The following SLCO3A1 variants were observed in gnomAD, a reference collection of about 807,000 sequenced individuals.
SLCO3A1 encodes the protein solute carrier organic anion transporter family member 3A1, also known as PGE1 transporter.
A neutral mutation model predicts 63.1 loss-of-function variants in SLCO3A1; 27 were observed. That is an observed-to-expected ratio of 0.43 (90% CI 0.32 to 0.59). SLCO3A1 has a LOEUF of 0.59. Among genes scored for constraint, SLCO3A1 ranks in the 20% least tolerant of loss-of-function variants. SLCO3A1 has a pLI of 0.09. For synonymous variants in SLCO3A1, 473 were observed against 409.9 expected, an observed-to-expected ratio of 1.15 and a Z score of -1.86; for missense variants, 773 against 945.8, an observed-to-expected ratio of 0.82 and a Z score of 2.40.
rs572210451 is a variant in SLCO3A1, at chr15:92,121,131, C to A, written c.1174+502C>A. Among the ~76,000 whole-genome samples the A allele has an allele frequency of 3.9e-5, 6 of 152,316 alleles. No homozygotes were observed. The South Asian group carries it at 1.2e-3, about 32-fold the overall frequency. On this transcript the variant is annotated intron_variant, in intron 5 of 9. Coordinates refer to ENST00000318445, the MANE Select transcript of SLCO3A1 (RefSeq NM_013272.4). ...GGCATGGCTTTACAGTTCTTTAAAT[C>A]ATAGACTACAGGTTTCTACTCCCAA...
At chr15:92,002,293 T>A (rs1463246384) in intron 2 of SLCO3A1, among the ~76,000 whole-genome samples, 1 of 152,150 alleles carries the variant, frequency 6.6e-6, no homozygotes, top group Non-Finnish European at 1.5e-5. Flanking sequence ...AGGCAACGTC[T>A]AGACACAGTC....
At position 92,032,658 on chromosome 15, in the gene SLCO3A1, G is replaced by A. The variant is rs529984736; in HGVS notation, c.647-62223G>A. ...GCAGAAAGCCCTGGGTGCGGTGATT[G>A]GGTAGGTTGGAGTGGGCAGCATCTT... On this transcript the variant is annotated intron_variant, in intron 2 of 9. Transcript: ENST00000318445. 5.9e-5 allele frequency among the ~76,000 whole-genome samples: 9 copies of A among 152,250 alleles called. No individual in the cohort carries two copies. The East Asian group carries it at 1.7e-3, about 29-fold the overall frequency.
At chr15:92,007,135 G>A (rs1490543649) in intron 2 of SLCO3A1, among the ~76,000 whole-genome samples, 1 of 152,116 alleles carries the variant, frequency 6.6e-6, no homozygotes, top group Admixed American at 6.5e-5. Context: ...GTAACATTTA[G>A]GACAATACCT....
intron 1 of SLCO3A1, among the ~76,000 whole-genome samples, chr15:91,895,197 G>A (rs1199265127): frequency 6.6e-6 from 1 of 152,190 alleles, no homozygotes; most frequent in East Asian, 1.9e-4. Flanking sequence ...CTCCCTGTGT[G>A]TAAGAACCCT....
At chr15:92,096,944 G>C (rs1188452442) in intron 3 of SLCO3A1, among the ~76,000 whole-genome samples, 2 of 152,186 alleles carry the variant, frequency 1.3e-5, no homozygotes, top group African/African-American at 4.8e-5. Context: ...GGAAGACACA[G>C]GACACATGAA....
chr15:91,869,413 G>A (rs1897240439), intron 1 of SLCO3A1, among the ~76,000 whole-genome samples: 2 of 151,898 alleles, frequency 1.3e-5, no homozygotes, highest in Non-Finnish European at 2.9e-5. Context: ...GCACATGCCT[G>A]TAATCCCAGC....
intron 1 of SLCO3A1, chr15:91,889,285 CT>C: frequency 1.9e-6 from 1 of 540,160 alleles, no homozygotes; most frequent in South Asian, 1.5e-5. Context: ...ACTTTATGGG[CT>C]TCATAGCACC....
intron 2 of SLCO3A1, among the ~76,000 whole-genome samples, chr15:91,929,716 C>G (rs1355450172): frequency 1.3e-5 from 2 of 152,222 alleles, no homozygotes; most frequent in Non-Finnish European, 2.9e-5. Flanking sequence ...CTCTCCAGGC[C>G]CTGGCAACCA....
intron 9 of SLCO3A1, among the ~76,000 whole-genome samples, chr15:92,159,351 G>A (rs1351598106): frequency 1.3e-5 from 2 of 152,006 alleles, no homozygotes; most frequent in African/African-American, 2.4e-5. Context: ...CGGGCGTGGT[G>A]GCAGGCACCT....
At chr15:92,121,088 T>C (rs2151561537) in intron 5 of SLCO3A1, among the ~76,000 whole-genome samples, 1 of 152,250 alleles carries the variant, frequency 6.6e-6, no homozygotes, top group Non-Finnish European at 1.5e-5. Flanking sequence ...ATCATGACAC[T>C]CCTTCTCCCC....
In SLCO3A1 at chr15:91,862,958, CT is replaced by C. The variant is rs1196070216; in HGVS notation, c.180+8871del. Among the ~76,000 whole-genome samples, 1 of 152,202 alleles carries C rather than the reference CT, an allele frequency of 6.6e-6. No individual in the cohort carries two copies. Among genetic ancestry groups the C allele is most frequent in the Non-Finnish European group, 1.5e-5 (1 of 68,040 alleles). On this transcript the variant is annotated intron_variant, in intron 1 of 9. Coordinates refer to ENST00000318445, the MANE Select transcript of SLCO3A1 (RefSeq NM_013272.4). The surrounding 1 kb of genome is among the most constrained non-coding windows in gnomAD (Gnocchi z 4.0). ...TGTTGAATTTGTCTCCCAACTTCAG[CT>C]GATTAGAAGGAGAAATTACCACCTT...
At chr15:91,880,749 T>TAAC in intron 1 of SLCO3A1, among the ~76,000 whole-genome samples, 1 of 152,162 alleles carries the variant, frequency 6.6e-6, no homozygotes. Context: ...CTCCTGTTAG[T>TAAC]TAACCGTTCA....
Position 91,956,821 on chromosome 15 carries a change from G to C in SLCO3A1, c.646+40363G>C, listed in dbSNP as rs1478319969. 2.3e-5 allele frequency among the ~76,000 whole-genome samples: 3 copies of C among 127,756 alleles called. No individual in the cohort carries two copies. The Admixed American group carries it at 2.6e-4, about 11-fold the overall frequency. The allele number at this position is 127,756 out of a possible 152,430, so 83.8% of individuals were successfully genotyped here. The stretch of plus-strand genomic sequence containing the variant: ...TTTCTTTTTTTTGCGATGGATTCTC[G>C]CTCTGTCACCCAGGCTGGAGTGCAG... On this transcript the variant is annotated intron_variant, in intron 2 of 9. Coordinates refer to ENST00000318445, the MANE Select transcript of SLCO3A1 (RefSeq NM_013272.4).
At chr15:92,018,058 G>T (rs974978224) in intron 2 of SLCO3A1, among the ~76,000 whole-genome samples, 16 of 152,214 alleles carry the variant, frequency 1.1e-4, no homozygotes, top group Non-Finnish European at 1.5e-5. Context: ...AACGCAGAAG[G>T]TGATGATGTG....
At chr15:92,083,400 C>T (rs1357373454) in intron 2 of SLCO3A1, among the ~76,000 whole-genome samples, 7 of 152,120 alleles carry the variant, frequency 4.6e-5, no homozygotes, top group African/African-American at 1.7e-4. Flanking sequence ...AGGTGCCCTC[C>T]CTTCCCACGT....
Position 91,868,385 on chromosome 15 carries a change from C to T in SLCO3A1, c.180+14297C>T, listed in dbSNP as rs1182154928. On this transcript the variant is annotated intron_variant, in intron 1 of 9. Coordinates refer to ENST00000318445, the MANE Select transcript of SLCO3A1 (RefSeq NM_013272.4). ...TTTTTTTTTTTTTTTAATATAAAGA[C>T]TTTACTGTTTTACTTATTACACAAG... Among the ~76,000 whole-genome samples, 11 of 134,686 alleles carry T rather than the reference C, an allele frequency of 8.2e-5. No homozygotes were observed. In the East Asian group the frequency reaches 2.2e-3, roughly 27 times the overall value. 88.4% of individuals were successfully genotyped at this position (134,686 alleles called of 152,430 possible).
chr15:91,868,413 A>G (rs1340091076), intron 1 of SLCO3A1, among the ~76,000 whole-genome samples: 1 of 149,920 alleles, frequency 6.7e-6, no homozygotes, highest in Non-Finnish European at 1.5e-5. Flanking sequence ...TACACAAGGA[A>G]TATATGTGGT....
At chr15:92,099,700 C>T (rs2047581235) in intron 3 of SLCO3A1, among the ~76,000 whole-genome samples, 1 of 152,158 alleles carries the variant, frequency 6.6e-6, no homozygotes, top group African/African-American at 2.4e-5. Flanking sequence ...GCTCTCAATT[C>T]ACCCAACACA....
chr15:91,952,058 A>G (rs72754018), intron 2 of SLCO3A1, among the ~76,000 whole-genome samples: 8,725 of 152,174 alleles, frequency 0.057, 354 homozygotes, highest in Non-Finnish European at 0.086. Flanking sequence ...ATTGTCTCTG[A>G]TGGTAGGCAT....
Sources: allele counts gnomAD v4.1 joint callset (sites outside exome capture counted in the v4.1 genomes callset), GRCh38; gene constraint gnomAD v4.1.1; non-coding constraint Gnocchi (gnomAD v3.1); transcripts MANE v1.5; gene names NCBI Gene and HGNC (gene_info 2026-07-23, HGNC 2026-07-21).